GALNT9: variants seen among roughly 807,000 people sequenced by gnomAD.
GALNT9 encodes polypeptide N-acetylgalactosaminyltransferase 9.
Under a neutral mutation model 63.1 loss-of-function variants are expected in GALNT9, and 47 were observed. That is an observed-to-expected ratio of 0.75 (90% CI 0.59 to 0.95). The LOEUF (loss-of-function observed/expected upper bound fraction) is 0.95, where lower values mean the gene tolerates loss of function less well. Among genes scored for constraint, GALNT9 ranks in the 40% least tolerant of loss-of-function variants. The pLI is 0.00. For synonymous variants in GALNT9, 396 were observed against 365.7 expected, an observed-to-expected ratio of 1.08 and a Z score of -0.94; for missense variants, 829 against 874.8, an observed-to-expected ratio of 0.95 and a Z score of 0.66.
intron 6 of GALNT9, among the ~76,000 whole-genome samples, chr12:132,243,277 A>ACC (rs1283629591): frequency 5.1e-5 from 2 of 39,464 alleles, no homozygotes; most frequent in South Asian, 7.6e-4. Flanking sequence ...TTACACACAC[A>ACC]ACACACACTT....
Position 132,197,961 on chromosome 12 carries a change from TG to T in GALNT9, c.1498-3del. ...TCCATCAGCGCTGTACCGCACCAGCTGGGGACAGGACCACCGGGACTGTGTG... is the reference window on the plus strand; with the variant it reads ...TCCATCAGCGCTGTACCGCACCAGCTGGGACAGGACCACCGGGACTGTGTG... On this transcript the variant is annotated splice_region_variant and splice_polypyrimidine_tract_variant and intron_variant, in intron 9 of 10. Coordinates refer to ENST00000328957, the MANE Select transcript of GALNT9 (RefSeq NM_001122636.2). 6.2e-7 allele frequency: 1 copy of T among 1,605,482 alleles called. No individual in the cohort carries two copies. The highest frequency in any genetic ancestry group is 8.5e-7 in the Non-Finnish European group (1 of 1,175,168).
intron 1 of GALNT9, among the ~76,000 whole-genome samples, chr12:132,298,741 C>A (rs1252369791): frequency 6.8e-6 from 1 of 147,726 alleles, no homozygotes; most frequent in African/African-American, 2.5e-5. Flanking sequence ...TGATAACTAA[C>A]CCACTCCCAC....
At chr12:132,303,238 C>T (rs954951424) in intron 1 of GALNT9, among the ~76,000 whole-genome samples, 1 of 151,944 alleles carries the variant, frequency 6.6e-6, no homozygotes, top group African/African-American at 2.4e-5. Flanking sequence ...TGAGTGGATT[C>T]GTCACCAGGA....
chr12:132,226,478 C>A (rs1457973114), intron 6 of GALNT9, among the ~76,000 whole-genome samples: 1 of 140,932 alleles, frequency 7.1e-6, no homozygotes, highest in African/African-American at 2.7e-5. Context: ...ACACTGTACA[C>A]ATGCACGCCA....
rs797032952 is a variant in GALNT9, at chr12:132,257,533, ATCCCCACGCCCTCG to A, written c.959+142_959+155del. ...CCCCACGCCCTCGTCCCCGGCCCTC[ATCCCCACGCCCTCG>A]TCCCCACGCCCTCGTCCCCACGCCC... On this transcript the variant is annotated intron_variant, in intron 5 of 10. Coordinates refer to ENST00000328957, the MANE Select transcript of GALNT9 (RefSeq NM_001122636.2). 7.8e-3 allele frequency among the ~76,000 whole-genome samples: 245 copies of A among 31,586 alleles called. 15 individuals carry two copies. Among genetic ancestry groups the A allele is most frequent in the South Asian group, 0.051 (48 of 946 alleles). 20.7% of individuals were successfully genotyped at this position (31,586 alleles called of 152,430 possible). A position where few individuals can be genotyped will look rare whatever the true frequency, so the allele number is the denominator to read the frequency against.
At chr12:132,261,153 C>G in intron 3 of GALNT9, 31 bp from the exon 4 acceptor site, 1 of 1,544,674 alleles carries the variant, frequency 6.5e-7, no homozygotes. Context: ...AGCACGCTGG[C>G]AGGTGCTGGC....
intron 1 of GALNT9, among the ~76,000 whole-genome samples, chr12:132,287,891 G>A (rs1880666183): frequency 6.6e-6 from 1 of 152,146 alleles, no homozygotes; most frequent in South Asian, 2.1e-4. Context: ...CTCTGAGCTG[G>A]GAGTCTCTGG....
Position 132,228,815 on chromosome 12 carries a change from A to G in GALNT9, c.1077+19095T>C, listed in dbSNP as rs1213421057. The stretch of plus-strand genomic sequence containing the variant: ...GACTCTCACACTTGATTCCGTCCTG[A>G]CCTTTATTAAGCCTAATAGACGCGA... On this transcript the variant is annotated intron_variant, in intron 6 of 10. Coordinates refer to ENST00000328957, the MANE Select transcript of GALNT9 (RefSeq NM_001122636.2). Among the ~76,000 whole-genome samples the G allele has an allele frequency of 3.9e-5, 6 of 152,078 alleles. No individual in the cohort carries two copies. The East Asian group carries it at 1.2e-3, about 29-fold the overall frequency.
At chr12:132,261,587 A>C (rs1305091820) in intron 3 of GALNT9, among the ~76,000 whole-genome samples, 1 of 152,198 alleles carries the variant, frequency 6.6e-6, no homozygotes, top group Non-Finnish European at 1.5e-5. Flanking sequence ...GACAGGGCTC[A>C]GGAGGGCAGC....
At chr12:132,281,314 G>A (rs1184430956) in intron 2 of GALNT9, among the ~76,000 whole-genome samples, 2 of 152,208 alleles carry the variant, frequency 1.3e-5, no homozygotes, top group Non-Finnish European at 2.9e-5. Context: ...TGGAGCCTCA[G>A]AGACTGTGGG....
At chr12:132,256,580 G>C (rs1165468230) in intron 5 of GALNT9, among the ~76,000 whole-genome samples, 2 of 131,148 alleles carry the variant, frequency 1.5e-5, no homozygotes, top group African/African-American at 2.9e-5. Context: ...GGGGACACTG[G>C]AGGGGACAGT....
intron 2 of GALNT9, chr12:132,280,130 G>C (rs1880279476): frequency 6.6e-6 from 1 of 152,318 alleles, no homozygotes; most frequent in Non-Finnish European, 1.5e-5. Flanking sequence ...TCTAACCTGA[G>C]AGCAGGCAGG....
chr12:132,304,867 G>A (rs1271062075), intron 1 of GALNT9, among the ~76,000 whole-genome samples: 2 of 19,202 alleles, frequency 1.0e-4, no homozygotes, highest in Non-Finnish European at 8.8e-5. Context: ...GCACAGAATC[G>A]CCCAGACACA....
chr12:132,277,462 G>A (rs536487639), intron 2 of GALNT9: 4 of 155,080 alleles, frequency 2.6e-5, no homozygotes, highest in African/African-American at 9.6e-5. Context: ...ACCGTCGTGT[G>A]ACTTTCTGCC....
chr12:132,235,321 G>C (rs1458560615), intron 6 of GALNT9, among the ~76,000 whole-genome samples: 1 of 151,782 alleles, frequency 6.6e-6, no homozygotes, highest in Non-Finnish European at 1.5e-5. Flanking sequence ...GGTCATTGGA[G>C]CTGGGACCCG....
At chr12:132,257,915 G>A (rs1483320433) in intron 4 of GALNT9, 29 bp from the exon 5 acceptor site, 10 of 1,444,222 alleles carry the variant, frequency 6.9e-6, no homozygotes, top group Admixed American at 4.0e-5. Context: ...GAGGAGGGGC[G>A]GCCCCAGCCC....
rs937523763 is a variant in GALNT9, at chr12:132,262,441, G to A, written c.586+18C>T. ...GCAGCCGCCCGGCGAGCACCGTGCC[G>A]AGGCCCCGCCCACTCACCGTTGTCA... On this transcript the variant is annotated intron_variant, in intron 3 of 10. Coordinates refer to ENST00000328957, the MANE Select transcript of GALNT9 (RefSeq NM_001122636.2). The A allele has an allele frequency of 2.2e-5, 34 of 1,543,568 alleles. No homozygotes were observed. Among genetic ancestry groups the A allele is most frequent in the Middle Eastern group, 1.7e-4 (1 of 5,932 alleles).
chr12:132,303,377 T>G (rs1053039496), intron 1 of GALNT9, among the ~76,000 whole-genome samples: 3 of 148,656 alleles, frequency 2.0e-5, no homozygotes, highest in Non-Finnish European at 3.0e-5. Context: ...AGCAGCACCC[T>G]CTCCGGGGCA....
Position 132,319,573 on chromosome 12 carries a change from TCTC to T in GALNT9, c.238+9390_238+9392del, listed in dbSNP as rs1433778300. ...CACGGGAGCCAATCCTCACCCTACA[TCTC>T]CTCTTGGGTCTCTCTCTATCCGCCG... On this transcript the variant is annotated intron_variant, in intron 1 of 10. Transcript: ENST00000328957. The surrounding 1 kb of genome is among the most constrained non-coding windows in gnomAD (Gnocchi z 5.2). Among the ~76,000 whole-genome samples the T allele has an allele frequency of 3.9e-5, 6 of 151,968 alleles. No homozygotes were observed. The highest frequency in any genetic ancestry group is 7.2e-5 in the African/African-American group (3 of 41,386).
Sources: allele counts gnomAD v4.1 joint callset (sites outside exome capture counted in the v4.1 genomes callset), GRCh38; gene constraint gnomAD v4.1.1; non-coding constraint Gnocchi (gnomAD v3.1); transcripts MANE v1.5; gene names NCBI Gene and HGNC (gene_info 2026-07-23, HGNC 2026-07-21).